The following SGCZ variants were observed in gnomAD, a reference collection of about 807,000 sequenced individuals.
SGCZ encodes zeta-sarcoglycan.
In SGCZ, 40 loss-of-function variants were observed where a neutral mutation model predicts 41.3. The ratio of observed to expected loss-of-function variants is 0.97; its 90% CI spans 0.75 to 1.26. The LOEUF (loss-of-function observed/expected upper bound fraction) is 1.26, where lower values mean the gene tolerates loss of function less well. Among genes scored for constraint, SGCZ ranks in the 50% most tolerant of loss-of-function variants. The pLI is 0.00. For synonymous variants in SGCZ, 206 were observed against 137.5 expected, an observed-to-expected ratio of 1.50 and a Z score of -3.49; for missense variants, 552 against 369.8, an observed-to-expected ratio of 1.49 and a Z score of -4.04.
At chr8:15,036,222 T>C (rs1585497464) in intron 1 of SGCZ, among the ~76,000 whole-genome samples, 1 of 152,208 alleles carries the variant, frequency 6.6e-6, no homozygotes, top group Admixed American at 6.5e-5. Flanking sequence ...ACAAATTGGA[T>C]AACCTAGAAG....
At position 14,358,771 on chromosome 8, in the gene SGCZ, C is replaced by T. The variant is rs189121705; in HGVS notation, c.235-34567G>A. Among the ~76,000 whole-genome samples, 232 of 151,886 alleles carry T rather than the reference C, an allele frequency of 1.5e-3. 4 individuals carry two copies. In the East Asian group the frequency reaches 0.032, roughly 21 times the overall value. ...GATTACAGGCATGTGCCACCATGCC[C>T]GGCTAATTTTTGAGTTTTTAGTAGA... On this transcript the variant is annotated intron_variant, in intron 2 of 7. Coordinates refer to ENST00000382080, the MANE Select transcript of SGCZ (RefSeq NM_139167.4).
In SGCZ at chr8:14,591,514, T is replaced by A. The variant is rs1446877032; in HGVS notation, c.40-36588A>T. The stretch of plus-strand genomic sequence containing the variant: ...AAAACCTAGAAAAGATGTTTTATCC[T>A]CGAAATATAAAATATACACAAAATA... On this transcript the variant is annotated intron_variant, in intron 1 of 7. Coordinates refer to ENST00000382080, the MANE Select transcript of SGCZ (RefSeq NM_139167.4). Among the ~76,000 whole-genome samples the A allele has an allele frequency of 2.6e-5, 4 of 152,090 alleles. 1 individual carries two copies. The highest frequency in any genetic ancestry group is 4.1e-4 in the South Asian group (2 of 4,832).
intron 7 of SGCZ, among the ~76,000 whole-genome samples, chr8:14,102,076 TTATATA>T (rs55667194): frequency 3.3e-5 from 4 of 119,916 alleles, no homozygotes; most frequent in African/African-American, 1.4e-4. Flanking sequence ...TTGGCTAACT[TTATATA>T]TATATATATA....
At chr8:14,320,883 A>T (rs1801895293) in intron 3 of SGCZ, among the ~76,000 whole-genome samples, 1 of 152,208 alleles carries the variant, frequency 6.6e-6, no homozygotes, top group South Asian at 2.1e-4. Flanking sequence ...GAGGTTCTGA[A>T]GAACTACACG....
chr8:14,548,825 T>A (rs1353695357), intron 2 of SGCZ, among the ~76,000 whole-genome samples: 2 of 152,136 alleles, frequency 1.3e-5, no homozygotes, highest in Non-Finnish European at 2.9e-5. Flanking sequence ...GGTCAACAAT[T>A]TTCTCAAGAA....
At chr8:14,448,079 A>C (rs946416818) in intron 2 of SGCZ, among the ~76,000 whole-genome samples, 9 of 152,160 alleles carry the variant, frequency 5.9e-5, no homozygotes, top group African/African-American at 2.2e-4. Flanking sequence ...GAAAATTGGA[A>C]TTTTCATCGA....
chr8:14,217,295 C>CAAAAA (rs34197711), intron 4 of SGCZ, among the ~76,000 whole-genome samples: 4 of 55,952 alleles, frequency 7.1e-5, no homozygotes, highest in South Asian at 9.9e-4. Context: ...GACTCCATCT[C>CAAAAA]AAAAAAAAAA....
intron 1 of SGCZ, among the ~76,000 whole-genome samples, chr8:14,907,835 T>A (rs1799164673): frequency 6.6e-6 from 1 of 152,180 alleles, no homozygotes; most frequent in Admixed American, 6.5e-5. Context: ...AACCCTACTA[T>A]TAAAACATAC....
chr8:15,164,517 T>C (rs1799597936), intron 1 of SGCZ, among the ~76,000 whole-genome samples: 1 of 151,934 alleles, frequency 6.6e-6, no homozygotes, highest in Non-Finnish European at 1.5e-5. Flanking sequence ...AGGACAGTAA[T>C]TGAATTAATC....
intron 4 of SGCZ, among the ~76,000 whole-genome samples, chr8:14,170,779 C>T (rs1023598532): frequency 2.0e-5 from 3 of 152,012 alleles, no homozygotes; most frequent in Non-Finnish European, 4.4e-5. Context: ...AATAGGTACA[C>T]GTCCTTTTTG....
chr8:14,523,855 C>A (rs1270846303), intron 2 of SGCZ, among the ~76,000 whole-genome samples: 3 of 152,042 alleles, frequency 2.0e-5, no homozygotes, highest in Non-Finnish European at 2.9e-5. Context: ...GCATGGGTCC[C>A]TAAACTTCTG....
rs10681510 is a variant in SGCZ at position 14,253,243 on chromosome 8, G to GGTGTGTGT, written c.337-15572_337-15565dup. Among the ~76,000 whole-genome samples, 1,486 of 148,950 alleles carry GGTGTGTGT rather than the reference G, an allele frequency of 1.0e-2. 10 individuals carry two copies. Among genetic ancestry groups the GGTGTGTGT allele is most frequent in the Middle Eastern group, 0.031 (9 of 290 alleles). ...CTTCTAAAAAATAAGTTGTGTGTAGGGTGTGTGTGTGTGTGTGTGTGTGTG... is the reference window on the plus strand; with the variant it reads ...CTTCTAAAAAATAAGTTGTGTGTAGGGTGTGTGTGTGTGTGTGTGTGTGTGTGTGTGTG... On this transcript the variant is annotated intron_variant, in intron 3 of 7. Coordinates refer to ENST00000382080, the MANE Select transcript of SGCZ (RefSeq NM_139167.4).
chr8:14,486,077 C>T (rs1801666160), intron 2 of SGCZ, among the ~76,000 whole-genome samples: 1 of 152,090 alleles, frequency 6.6e-6, no homozygotes, highest in Non-Finnish European at 1.5e-5. Context: ...TACAAAATAA[C>T]GTCAGTTAAT....
chr8:14,394,936 C>A (rs1320609173), intron 2 of SGCZ, among the ~76,000 whole-genome samples: 1 of 152,124 alleles, frequency 6.6e-6, no homozygotes, highest in Admixed American at 6.5e-5. Context: ...GGATTTGTAT[C>A]TAGATTTCCA....
intron 1 of SGCZ, among the ~76,000 whole-genome samples, chr8:15,005,342 T>C (rs2410227): frequency 6.9e-6 from 1 of 145,664 alleles, no homozygotes; most frequent in African/African-American, 2.6e-5. Flanking sequence ...TTTTTTTTTT[T>C]TTTTTTGACA....
chr8:14,823,894 C>G (rs1262984573), intron 1 of SGCZ, among the ~76,000 whole-genome samples: 1 of 152,040 alleles, frequency 6.6e-6, no homozygotes, highest in Non-Finnish European at 1.5e-5. Context: ...TATGATTCAG[C>G]TTTAAAAAGG....
intron 1 of SGCZ, among the ~76,000 whole-genome samples, chr8:14,620,942 T>C (rs1439488678): frequency 6.6e-6 from 1 of 152,166 alleles, no homozygotes; most frequent in Non-Finnish European, 1.5e-5. Context: ...TTACTGGGTA[T>C]ATACCCAAAG....
At chr8:14,577,522 G>A (rs966416526) in intron 1 of SGCZ, among the ~76,000 whole-genome samples, 22 of 151,536 alleles carry the variant, frequency 1.5e-4, no homozygotes, top group Middle Eastern at 3.4e-3. Context: ...CGAGTAGCTG[G>A]GACTATAGGT....
In SGCZ at chr8:14,546,992, A is replaced by G. The variant is rs565626592; in HGVS notation, c.234+7740T>C. 1.4e-3 allele frequency among the ~76,000 whole-genome samples: 215 copies of G among 152,188 alleles called. 1 individual carries two copies. The highest frequency in any genetic ancestry group is 2.0e-3 in the Non-Finnish European group (134 of 68,006). ...TTAAAGTGTTATTGTGAAACTCCAT[A>G]AAGCCTGGTCTATAATGCATATAAT... On this transcript the variant is annotated intron_variant, in intron 2 of 7. Coordinates refer to ENST00000382080, the MANE Select transcript of SGCZ (RefSeq NM_139167.4).
Sources: gnomAD v4.1 joint callset for allele counts (sites outside exome capture counted in the v4.1 genomes callset) on GRCh38, gnomAD v4.1.1 for gene constraint, MANE v1.5 for transcripts, NCBI Gene and HGNC (gene_info 2026-07-23, HGNC 2026-07-21) for gene names.